The following SLC25A48 variants were observed in gnomAD, a reference collection of about 807,000 sequenced individuals.
SLC25A48 encodes solute carrier family 25 member 48.
A neutral mutation model predicts 32.2 loss-of-function variants in SLC25A48; 29 were observed. The observed-to-expected ratio is 0.90, with a 90% CI of 0.67 to 1.23. The LOEUF (loss-of-function observed/expected upper bound fraction) is 1.23. SLC25A48 is among the 50% of genes most tolerant of loss of function. SLC25A48 has a pLI of 0.00. For missense variants in SLC25A48, 399 were observed against 422.7 expected (o/e 0.94, Z 0.49); for synonymous variants, 164 against 172.3 (o/e 0.95, Z 0.38).
chr5:135,586,869 A>G (rs1751377945), intron 1 of SLC25A48, among the ~76,000 whole-genome samples: 1 of 152,114 alleles, frequency 6.6e-6, no homozygotes, highest in South Asian at 2.1e-4. Flanking sequence ...ATAAGAAGCC[A>G]TTGGAGAATT....
At chr5:135,599,251 A>G (rs1476421833) in intron 1 of SLC25A48, among the ~76,000 whole-genome samples, 2 of 151,926 alleles carry the variant, frequency 1.3e-5, no homozygotes, top group African/African-American at 4.8e-5. Flanking sequence ...CCAGCTTCCA[A>G]GCTTATTCTC....
At chr5:135,813,610 A>AG (rs1191106745) in intron 4 of SLC25A48, among the ~76,000 whole-genome samples, 1 of 152,210 alleles carries the variant, frequency 6.6e-6, no homozygotes, top group East Asian at 1.9e-4. Context: ...AGTGTTGAAA[A>AG]GGGGACATTA....
In SLC25A48 at chr5:135,650,128, G is replaced by A. The variant is rs540668300; in HGVS notation, c.-521+15172G>A. On this transcript the variant is annotated intron_variant, in intron 3 of 10. Transcript: ENST00000646290. The stretch of plus-strand genomic sequence containing the variant: ...TCATTTCTTTAGGTGGCCCATAATT[G>A]CTTGGAGAGAAAGCTGTCAGGAGGC... The A allele has an allele frequency of 3.8e-4, 74 of 195,098 alleles. 1 individual carries two copies. In the South Asian group the frequency reaches 5.4e-3, roughly 14 times the overall value. 12.1% of individuals were successfully genotyped at this position (195,098 alleles called of 1,614,324 possible).
intron 4 of SLC25A48, among the ~76,000 whole-genome samples, chr5:135,868,593 G>A (rs996523564): frequency 2.6e-5 from 4 of 151,884 alleles, no homozygotes; most frequent in Non-Finnish European, 5.9e-5. Flanking sequence ...CTTCAAGTAT[G>A]TAACTCACCC....
chr5:135,844,175 T>A (rs1759231361), intron 2 of SLC25A48, among the ~76,000 whole-genome samples: 1 of 152,170 alleles, frequency 6.6e-6, no homozygotes, highest in Non-Finnish European at 1.5e-5. Flanking sequence ...GGCCTCTGAC[T>A]CTCTCCTGTT....
chr5:135,710,242 C>CA (rs1757368816), intron 3 of SLC25A48, among the ~76,000 whole-genome samples: 1 of 152,218 alleles, frequency 6.6e-6, no homozygotes, highest in Admixed American at 6.5e-5. Flanking sequence ...CACAGCTTTG[C>CA]AGTCTGTATG....
intron 1 of SLC25A48, among the ~76,000 whole-genome samples, chr5:135,587,622 C>G (rs1280458920): frequency 2.0e-5 from 3 of 152,162 alleles, no homozygotes; most frequent in Non-Finnish European, 2.9e-5. Context: ...GAGGATTTAC[C>G]TGCCAGGTAA....
At chr5:135,632,776 A>G (rs1580739160) in intron 2 of SLC25A48, among the ~76,000 whole-genome samples, 1 of 152,296 alleles carries the variant, frequency 6.6e-6, no homozygotes, top group Middle Eastern at 3.4e-3. Context: ...TGAATACTTA[A>G]TGGTTTTGGA....
At chr5:135,699,179 T>C (rs1464802716) in intron 3 of SLC25A48, among the ~76,000 whole-genome samples, 1 of 152,142 alleles carries the variant, frequency 6.6e-6, no homozygotes, top group Non-Finnish European at 1.5e-5. Flanking sequence ...TTATTTACCA[T>C]AGAGAAGTAA....
intron 3 of SLC25A48, among the ~76,000 whole-genome samples, chr5:135,716,213 G>C (rs1754792785): frequency 6.6e-6 from 1 of 152,256 alleles, no homozygotes; most frequent in East Asian, 1.9e-4. Context: ...ATGCTTACCT[G>C]GTCTGGGACA....
rs978897464 is a variant in SLC25A48, at chr5:135,628,220, T to C, written c.-848-1017T>C. Among the ~76,000 whole-genome samples the C allele has an allele frequency of 5.3e-5, 8 of 152,194 alleles. No homozygotes were observed. The South Asian group carries it at 6.2e-4, about 12-fold the overall frequency. On this transcript the variant is annotated intron_variant, in intron 1 of 10. Coordinates refer to the SLC25A48 transcript ENST00000646290. ...TGGAGTCTAAGACTCCAAATTTCTCTGAATAACTGCAAATTTCCCAATTGC... is the reference window on the plus strand; with the variant it reads ...TGGAGTCTAAGACTCCAAATTTCTCCGAATAACTGCAAATTTCCCAATTGC...
At chr5:135,615,726 GT>G (rs1752171170) in intron 1 of SLC25A48, among the ~76,000 whole-genome samples, 1 of 152,128 alleles carries the variant, frequency 6.6e-6, no homozygotes, top group Admixed American at 6.5e-5. Context: ...CATAACTGAA[GT>G]TTGCATAACT....
At chr5:135,672,340 A>G (rs1753676381) in intron 3 of SLC25A48, among the ~76,000 whole-genome samples, 1 of 152,228 alleles carries the variant, frequency 6.6e-6, no homozygotes, top group African/African-American at 2.4e-5. Flanking sequence ...TGAACATTTC[A>G]TAACCACAGC....
At chr5:135,752,663 A>T (rs1206022147) in intron 3 of SLC25A48, among the ~76,000 whole-genome samples, 2 of 152,210 alleles carry the variant, frequency 1.3e-5, no homozygotes, top group Non-Finnish European at 1.5e-5. Flanking sequence ...CTATGATATG[A>T]AAAATAACAC....
intron 3 of SLC25A48, among the ~76,000 whole-genome samples, chr5:135,679,432 G>A (rs951631544): frequency 2.6e-5 from 4 of 152,200 alleles, no homozygotes; most frequent in Non-Finnish European, 5.9e-5. Flanking sequence ...ATGCTTGGGC[G>A]GTGGTGGTAG....
intron 3 of SLC25A48, among the ~76,000 whole-genome samples, chr5:135,719,346 C>G (rs1754891280): frequency 6.6e-6 from 1 of 152,074 alleles, no homozygotes; most frequent in Admixed American, 6.5e-5. Flanking sequence ...GTACCAGAGG[C>G]AGTAGGTGTG....
At chr5:135,655,517 C>G (rs1164633771) in intron 3 of SLC25A48, among the ~76,000 whole-genome samples, 1 of 152,144 alleles carries the variant, frequency 6.6e-6, no homozygotes, top group Admixed American at 6.5e-5. Flanking sequence ...TTGTATCTTC[C>G]AGAGTTTGCC....
chr5:135,869,701 A>G (rs1315093721), intron 4 of SLC25A48, among the ~76,000 whole-genome samples: 1 of 152,180 alleles, frequency 6.6e-6, no homozygotes, highest in East Asian at 1.9e-4. Context: ...AGGCAGTAGC[A>G]CCATGGGTCT....
At chr5:135,598,677 A>G (rs751045948) in intron 1 of SLC25A48, among the ~76,000 whole-genome samples, 6 of 152,226 alleles carry the variant, frequency 3.9e-5, no homozygotes, top group Admixed American at 2.0e-4. Context: ...AGGAGGAACT[A>G]TGAATATTCA....
Sources: allele counts gnomAD v4.1 joint callset (sites outside exome capture counted in the v4.1 genomes callset), GRCh38; gene constraint gnomAD v4.1.1; transcripts MANE v1.5; gene names NCBI Gene and HGNC (gene_info 2026-07-23, HGNC 2026-07-21).